The following PLAC1 variants were observed in gnomAD, a reference collection of about 807,000 sequenced individuals.
The protein encoded by PLAC1 is placenta-specific protein 1.
For synonymous variants in PLAC1, 68 were observed against 62.1 expected (o/e 1.09, Z -0.44); for missense variants, 136 against 163.2 (o/e 0.83, Z 0.91).
chrX:134,719,155 G>A (rs763890550), intron 2 of PLAC1, among the ~76,000 whole-genome samples: 5 of 111,680 alleles, frequency 4.5e-5, no homozygotes, highest in South Asian at 3.7e-4. Flanking sequence ...AAACTACATA[G>A]TGGTAAGTAT....
At chrX:134,738,464 C>T in intron 1 of PLAC1, among the ~76,000 whole-genome samples, 1 of 112,004 alleles carries the variant, frequency 8.9e-6, no homozygotes. Flanking sequence ...CAAACGGGCT[C>T]GTTCCCAGGG....
At chrX:134,582,748 C>T (rs1171681567) in intron 2 of PLAC1, among the ~76,000 whole-genome samples, 1 of 111,349 alleles carries the variant, frequency 9.0e-6, no homozygotes, top group East Asian at 2.8e-4. Flanking sequence ...AAGACAATGA[C>T]TTAGCTCACT....
intron 2 of PLAC1, among the ~76,000 whole-genome samples, chrX:134,727,097 G>C (rs951441909): frequency 5.4e-5 from 6 of 110,979 alleles, no homozygotes; most frequent in Admixed American, 4.8e-4. Context: ...CTCGGAGAGA[G>C]AGCCTCACAT....
chrX:134,674,868 G>A (rs2078467868), intron 2 of PLAC1, among the ~76,000 whole-genome samples: 1 of 112,572 alleles, frequency 8.9e-6, no homozygotes, highest in African/African-American at 3.2e-5. Context: ...GCAGAACAGG[G>A]AAGAAAGAAC....
intron 1 of PLAC1, among the ~76,000 whole-genome samples, chrX:134,612,695 C>T (rs992459172): frequency 8.9e-6 from 1 of 112,025 alleles, no homozygotes; most frequent in Non-Finnish European, 1.9e-5. Context: ...TCCAGCAAGG[C>T]AATTCAATCA....
chrX:134,716,128 C>T (rs2078642630), intron 2 of PLAC1, among the ~76,000 whole-genome samples: 1 of 112,298 alleles, frequency 8.9e-6, no homozygotes, highest in African/African-American at 3.2e-5. Context: ...CCTTTCCTTT[C>T]CAGCTCCCCC....
At chrX:134,647,059 G>A (rs774415671) in intron 1 of PLAC1, among the ~76,000 whole-genome samples, 6 of 112,052 alleles carry the variant, frequency 5.4e-5, no homozygotes, top group African/African-American at 1.3e-4. Context: ...CCAAAGGGAG[G>A]TTGCTGCTGG....
chrX:134,735,463 G>T (rs1463475440), intron 1 of PLAC1, among the ~76,000 whole-genome samples: 1 of 111,277 alleles, frequency 9.0e-6, no homozygotes, highest in Non-Finnish European at 1.9e-5. Context: ...AAAAGAACTG[G>T]AGAAAGAATT....
At chrX:134,627,602 C>T (rs537882269) in intron 1 of PLAC1, among the ~76,000 whole-genome samples, 4 of 112,565 alleles carry the variant, frequency 3.6e-5, no homozygotes, top group East Asian at 2.8e-4. Flanking sequence ...AAGATCTCCA[C>T]GATATCCTAA....
At chrX:134,667,776 A>T (rs917970809) in intron 2 of PLAC1, among the ~76,000 whole-genome samples, 7 of 107,774 alleles carry the variant, frequency 6.5e-5, no homozygotes, top group Non-Finnish European at 1.3e-4. Context: ...AAATTTTTTT[A>T]AATAGCTGGG....
chrX:134,694,470 C>T (rs1260723098), intron 2 of PLAC1, among the ~76,000 whole-genome samples: 2 of 111,722 alleles, frequency 1.8e-5, no homozygotes, highest in African/African-American at 6.5e-5. Flanking sequence ...GATGCCTGTT[C>T]AGCTGTCACC....
chrX:134,609,708 T>G (rs1178359022), intron 1 of PLAC1, among the ~76,000 whole-genome samples: 1 of 111,658 alleles, frequency 9.0e-6, no homozygotes, highest in Non-Finnish European at 1.9e-5. Context: ...GCCCTCTTCC[T>G]GCCTCACGTG....
At chrX:134,653,391 A>G (rs1290245061) in intron 1 of PLAC1, among the ~76,000 whole-genome samples, 2 of 112,621 alleles carry the variant, frequency 1.8e-5, no homozygotes, top group Admixed American at 9.4e-5. Flanking sequence ...TAAAAAAATT[A>G]GAGATCCTGT....
intron 1 of PLAC1, among the ~76,000 whole-genome samples, chrX:134,627,651 G>A (rs1032132787): frequency 3.6e-5 from 4 of 112,253 alleles, no homozygotes; most frequent in African/African-American, 1.3e-4. Context: ...GATCCTATTC[G>A]TCTTTGGAGT....
intron 1 of PLAC1, among the ~76,000 whole-genome samples, chrX:134,612,007 ATAGCAAACTAGTTTGCAGAAAT>A (rs1350958462): frequency 1.8e-5 from 2 of 111,942 alleles, no homozygotes; most frequent in Non-Finnish European, 3.8e-5. Context: ...AATTGCTCCA[ATAGCAAACTAGTTTGCAGAAAT>A]GCTACTCTGC....
At chrX:134,618,961 TC>T (rs1451346123) in intron 1 of PLAC1, among the ~76,000 whole-genome samples, 1 of 112,338 alleles carries the variant, frequency 8.9e-6, no homozygotes, top group African/African-American at 3.2e-5. Flanking sequence ...GCCATTCAAC[TC>T]CTATTAGCAT....
chrX:134,601,206 T>C (rs887856295), intron 2 of PLAC1, among the ~76,000 whole-genome samples: 1 of 112,072 alleles, frequency 8.9e-6, no homozygotes, highest in Non-Finnish European at 1.9e-5. Context: ...TTTTAAATAA[T>C]TACATTGCAT....
At chrX:134,754,593 A>G (rs766627418) in intron 1 of PLAC1, among the ~76,000 whole-genome samples, 1 of 110,813 alleles carries the variant, frequency 9.0e-6, no homozygotes, top group African/African-American at 3.3e-5. Context: ...GCTTTATTCT[A>G]TGTGTTGAAA....
At chrX:134,673,620 C>T (rs1477079677) in intron 2 of PLAC1, among the ~76,000 whole-genome samples, 1 of 110,570 alleles carries the variant, frequency 9.0e-6, no homozygotes, top group East Asian at 2.8e-4. Flanking sequence ...AGCCCTGTGG[C>T]CTAATAAGGC....
Sources: gnomAD v4.1 joint callset for allele counts (sites outside exome capture counted in the v4.1 genomes callset) on GRCh38, gnomAD v4.1.1 for gene constraint, MANE v1.5 for transcripts, NCBI Gene and HGNC (gene_info 2026-07-23, HGNC 2026-07-21) for gene names.